Variants in NKD1 observed in about 807,000 individuals in gnomAD.
NKD1 encodes the protein protein naked cuticle homolog 1.
In NKD1, 21 loss-of-function variants were observed where a neutral mutation model predicts 56.0. That is an observed-to-expected ratio of 0.38 (90% CI 0.27 to 0.54). The LOEUF is 0.54. Among genes scored for constraint, NKD1 ranks in the 20% least tolerant of loss-of-function variants. The pLI, the probability that NKD1 is intolerant of heterozygous loss-of-function variation, is 0.82. For synonymous variants in NKD1, 263 were observed against 265.7 expected (o/e 0.99, Z 0.10); for missense variants, 578 against 642.7 (o/e 0.90, Z 1.09).
chr16:50,562,986 A>ACCACCCCCCCC (rs1376803515), intron 3 of NKD1, among the ~76,000 whole-genome samples: 1 of 60,408 alleles, frequency 1.7e-5, no homozygotes, highest in African/African-American at 9.4e-5. Flanking sequence ...TCCCACCACC[A>ACCACCCCCCCC]CCCCCCCCCC....
intron 3 of NKD1, among the ~76,000 whole-genome samples, chr16:50,604,003 T>C (rs1045825928): frequency 3.5e-4 from 53 of 152,318 alleles, no homozygotes; most frequent in African/African-American, 1.1e-3. Flanking sequence ...GCAGAGGCCC[T>C]GGAGACCCAG....
Position 50,595,272 on chromosome 16 carries a change from T to C in NKD1, c.193-13022T>C, listed in dbSNP as rs550277393. 1.7e-4 allele frequency among the ~76,000 whole-genome samples: 26 copies of C among 152,286 alleles called. No homozygotes were observed. In the South Asian group the frequency reaches 5.0e-3, roughly 29 times the overall value. ...CCTTTTTGAGCCCTTAGTTTCCCCATCTGGACTCTCAGAGGTTCCTAAACT... is the reference window on the plus strand; with the variant it reads ...CCTTTTTGAGCCCTTAGTTTCCCCACCTGGACTCTCAGAGGTTCCTAAACT... On this transcript the variant is annotated intron_variant, in intron 3 of 9. Coordinates refer to ENST00000268459, the MANE Select transcript of NKD1 (RefSeq NM_033119.5).
intron 3 of NKD1, among the ~76,000 whole-genome samples, chr16:50,588,598 C>CTTTTTTT (rs574622414): frequency 4.5e-4 from 43 of 94,654 alleles, no homozygotes; most frequent in Non-Finnish European, 6.7e-4. Context: ...TTTTCTTCTG[C>CTTTTTTT]TTTTTTTTTT....
In NKD1 at chr16:50,598,262, T is replaced by TGTGTGCGCGCGCGC. The variant is rs138964473; in HGVS notation, c.193-10031_193-10030insTGTGCGCGCGCGCG. ...GTGTGTGTGTGTGTGTGTGTGTGTG[T>TGTGTGCGCGCGCGC]GCGCGCACACCTGTGCTCATGGACA... On this transcript the variant is annotated intron_variant, in intron 3 of 9. Coordinates refer to ENST00000268459, the MANE Select transcript of NKD1 (RefSeq NM_033119.5). This position sits in a 1 kb window ranked among gnomAD's most constrained non-coding sequence, Gnocchi z 4.2. Among the ~76,000 whole-genome samples, 35 of 148,666 alleles carry TGTGTGCGCGCGCGC rather than the reference T, an allele frequency of 2.4e-4. No individual in the cohort carries two copies. Among genetic ancestry groups the TGTGTGCGCGCGCGC allele is most frequent in the African/African-American group, 7.4e-4 (29 of 39,160 alleles).
intron 3 of NKD1, among the ~76,000 whole-genome samples, chr16:50,597,544 C>T (rs1004177860): frequency 3.3e-5 from 5 of 152,280 alleles, no homozygotes; most frequent in African/African-American, 1.2e-4. Flanking sequence ...AAGGAGACAG[C>T]GCCCCAGTTC....
At chr16:50,596,715 A>AT (rs1366481728) in intron 3 of NKD1, among the ~76,000 whole-genome samples, 1 of 152,248 alleles carries the variant, frequency 6.6e-6, no homozygotes, top group Non-Finnish European at 1.5e-5. Flanking sequence ...GTTGATACAT[A>AT]ATGTGTCAGA....
At position 50,630,091 on chromosome 16, in the gene NKD1, G is replaced by T. The variant is rs1962308513; in HGVS notation, c.463-95G>T. 4 of 1,189,958 alleles carry T rather than the reference G, an allele frequency of 3.4e-6. No individual in the cohort carries two copies. In the Admixed American group the frequency reaches 7.6e-5, roughly 23 times the overall value. The allele number at this position is 1,189,958 out of a possible 1,614,324, so 73.7% of individuals were successfully genotyped here. ...GATCTGCTTTGGGGCAGCCAGAGGGGTTCAGGCCTGCAGCGTCCACCAGGC... is the reference window on the plus strand; with the variant it reads ...GATCTGCTTTGGGGCAGCCAGAGGGTTTCAGGCCTGCAGCGTCCACCAGGC... On this transcript the variant is annotated intron_variant, in intron 6 of 9. Transcript: ENST00000268459.
rs1962491233 is a variant in NKD1, at chr16:50,637,410, T to C, written c.*3629T>C. The C allele has an allele frequency of 6.6e-6, 1 of 151,906 alleles. No homozygotes were observed. The highest frequency in any genetic ancestry group is 1.5e-5 in the Non-Finnish European group (1 of 67,970). The allele number at this position is 151,906 out of a possible 1,614,324, so 9.4% of individuals were successfully genotyped here. On this transcript the variant is annotated 3_prime_UTR_variant, in exon 10 of 10. Transcript: ENST00000268459. ...GGTGAAACCCCGTTTCTACTAAAAATACAAAAAATTAGCTGGGCATGGTGG... is the reference window on the plus strand; with the variant it reads ...GGTGAAACCCCGTTTCTACTAAAAACACAAAAAATTAGCTGGGCATGGTGG...
rs1379783934 is a variant in NKD1, at chr16:50,641,817, G to A, written c.*8036G>A. 1.3e-5 allele frequency: 2 copies of A among 152,334 alleles called. No individual in the cohort carries two copies. The highest frequency in any genetic ancestry group is 2.9e-5 in the Non-Finnish European group (2 of 68,168). 9.4% of individuals were successfully genotyped at this position (152,334 alleles called of 1,614,324 possible). ...GGGAAGTCTTTGGGGCAGTCCTGGA[G>A]ACCCTCACAATGTGGCCCCACTCCT... On this transcript the variant is annotated 3_prime_UTR_variant, in exon 10 of 10. Transcript: ENST00000268459.
intron 3 of NKD1, among the ~76,000 whole-genome samples, chr16:50,564,525 C>A (rs1488517284): frequency 6.6e-6 from 1 of 152,186 alleles, no homozygotes; most frequent in Non-Finnish European, 1.5e-5. Flanking sequence ...GAAACTGAGG[C>A]CAGACTGTAA....
At chr16:50,563,950 G>T (rs996137757) in intron 3 of NKD1, among the ~76,000 whole-genome samples, 1 of 151,106 alleles carries the variant, frequency 6.6e-6, no homozygotes, top group African/African-American at 2.4e-5. Flanking sequence ...TCCATCCTCA[G>T]TGGGCACAGC....
Position 50,573,975 on chromosome 16 carries a change from A to G in NKD1, c.192+24420A>G, listed in dbSNP as rs879281193. 4 of 971,248 alleles carry G rather than the reference A, an allele frequency of 4.1e-6. No individual in the cohort carries two copies. The South Asian group carries it at 1.4e-4, about 35-fold the overall frequency. 60.2% of individuals were successfully genotyped at this position (971,248 alleles called of 1,614,324 possible). On this transcript the variant is annotated intron_variant, in intron 3 of 9. Coordinates refer to ENST00000268459, the MANE Select transcript of NKD1 (RefSeq NM_033119.5). Reference sequence around the variant, plus strand: ...ACACACATGTATATGACATATATGTATGTATATATAATGCATGTGTGTCTA... The same window carrying G: ...ACACACATGTATATGACATATATGTGTGTATATATAATGCATGTGTGTCTA...
At chr16:50,610,700 T>C (rs111571405) in intron 4 of NKD1, among the ~76,000 whole-genome samples, 293 of 152,328 alleles carry the variant, frequency 1.9e-3, no homozygotes, top group African/African-American at 6.4e-3. Flanking sequence ...AGAAGTCTTT[T>C]AGCCATCCCA....
intron 3 of NKD1, among the ~76,000 whole-genome samples, chr16:50,577,834 G>T (rs1384168602): frequency 1.3e-5 from 2 of 152,244 alleles, no homozygotes; most frequent in African/African-American, 4.8e-5. Flanking sequence ...TGACCTTTAT[G>T]TAGAGGCATT....
chr16:50,597,419 C>A (rs1041951614), intron 3 of NKD1, among the ~76,000 whole-genome samples: 1 of 152,110 alleles, frequency 6.6e-6, no homozygotes, highest in Non-Finnish European at 1.5e-5. Flanking sequence ...AATGGAAAAA[C>A]CGCTTTGGAA....
At chr16:50,608,585 G>A in intron 4 of NKD1, 1 of 586,538 alleles carries the variant, frequency 1.7e-6, no homozygotes, top group Non-Finnish European at 3.1e-6. Context: ...GGTCACCTAG[G>A]TCCATGTCCT....
At chr16:50,611,036 CA>C (rs1274112751) in intron 4 of NKD1, among the ~76,000 whole-genome samples, 1 of 152,180 alleles carries the variant, frequency 6.6e-6, no homozygotes, top group Admixed American at 6.5e-5. Flanking sequence ...AGCGCACACC[CA>C]GCCTCCCTGC....
At chr16:50,553,615 T>C (rs1960437793) in intron 3 of NKD1, 1 of 152,246 alleles carries the variant, frequency 6.6e-6, no homozygotes, top group African/African-American at 2.4e-5. Context: ...TTGGCACAAT[T>C]AAAAGGCCCC....
Position 50,644,800 on chromosome 16 carries a change from A to AGTGTG in NKD1, c.*11023_*11027dup, listed in dbSNP as rs1334125621. 1 of 152,280 alleles carries AGTGTG rather than the reference A, an allele frequency of 6.6e-6. No individual in the cohort carries two copies. Among genetic ancestry groups the AGTGTG allele is most frequent in the Non-Finnish European group, 1.5e-5 (1 of 68,036 alleles). 9.4% of individuals were successfully genotyped at this position (152,280 alleles called of 1,614,324 possible). ...AGAAATTCCTGGCCAGAATATTTCC[A>AGTGTG]GTGTGGTGCATGTGAACTTCCCGCC... On this transcript the variant is annotated 3_prime_UTR_variant, in exon 10 of 10. Coordinates refer to ENST00000268459, the MANE Select transcript of NKD1 (RefSeq NM_033119.5).
Sources: allele counts gnomAD v4.1 joint callset (sites outside exome capture counted in the v4.1 genomes callset), GRCh38; gene constraint gnomAD v4.1.1; non-coding constraint Gnocchi (gnomAD v3.1); transcripts MANE v1.5; gene names NCBI Gene and HGNC (gene_info 2026-07-23, HGNC 2026-07-21).